The following TRPS1 variants were observed in gnomAD, a reference collection of about 807,000 sequenced individuals.
TRPS1 encodes transcriptional repressor GATA binding 1.
A neutral mutation model predicts 101.2 loss-of-function variants in TRPS1; 6 were observed. That is an observed-to-expected ratio of 0.06 (90% CI 0.03 to 0.12). The LOEUF (loss-of-function observed/expected upper bound fraction) is 0.12, where lower values mean the gene tolerates loss of function less well. TRPS1 is among the 10% of genes least tolerant of loss of function. TRPS1 has a pLI of 1.00. For synonymous variants in TRPS1, 578 were observed against 589.8 expected (o/e 0.98, Z 0.29); for missense variants, 1,363 against 1,567.0 (o/e 0.87, Z 2.20).
intron 3 of TRPS1, among the ~76,000 whole-genome samples, chr8:115,617,830 G>A (rs1196342815): frequency 6.6e-6 from 1 of 152,144 alleles, no homozygotes; most frequent in Non-Finnish European, 1.5e-5. Flanking sequence ...CTGCTCCACA[G>A]AAATAATTCT....
chr8:115,578,044 G>A (rs913385174), intron 5 of TRPS1, among the ~76,000 whole-genome samples: 1 of 152,150 alleles, frequency 6.6e-6, no homozygotes, highest in Non-Finnish European at 1.5e-5. Context: ...CTCTGCTTAA[G>A]AAAATGAGTT....
intron 5 of TRPS1, among the ~76,000 whole-genome samples, chr8:115,489,736 T>C (rs1218847900): frequency 6.6e-6 from 1 of 152,134 alleles, no homozygotes; most frequent in Admixed American, 6.6e-5. Context: ...AGCATGAATT[T>C]GGCTTTTTAA....
chr8:115,433,265 C>G (rs1813367265), intron 5 of TRPS1, among the ~76,000 whole-genome samples: 1 of 151,680 alleles, frequency 6.6e-6, no homozygotes, highest in African/African-American at 2.4e-5. Flanking sequence ...AAGGCCCTTT[C>G]CAGGTTTTTA....
Position 115,413,854 on chromosome 8 carries a change from C to T in TRPS1, c.*169G>A, listed in dbSNP as rs957071764. The T allele has an allele frequency of 4.6e-6, 3 of 658,276 alleles. No individual in the cohort carries two copies. Among genetic ancestry groups the T allele is most frequent in the Non-Finnish European group, 7.6e-6 (3 of 394,294 alleles). 40.8% of individuals were successfully genotyped at this position (658,276 alleles called of 1,614,324 possible). On this transcript the variant is annotated 3_prime_UTR_variant, in exon 7 of 7. Coordinates refer to ENST00000395715, the MANE Select transcript of TRPS1 (RefSeq NM_014112.5). ...TTGACCATTTATCTCACTTTTTAAT[C>T]TTGGTAACCTACTCATCAAAAGAAA...
chr8:115,471,684 A>T lies in TRPS1; in HGVS notation c.2701-53232T>A, dbSNP rs372661475. ...ACAAGGCAAGTCCCTTCTGCCTACA[A>T]GCCTGTAAAATCAAAAGCAAGCTAG... On this transcript the variant is annotated intron_variant, in intron 5 of 6. Transcript: ENST00000395715. 4.6e-5 allele frequency among the ~76,000 whole-genome samples: 7 copies of T among 152,336 alleles called. No homozygotes were observed. The East Asian group carries it at 1.4e-3, about 29-fold the overall frequency.
intron 5 of TRPS1, among the ~76,000 whole-genome samples, chr8:115,457,269 T>C (rs145853109): frequency 1.3e-5 from 2 of 152,178 alleles, no homozygotes; most frequent in South Asian, 2.1e-4. Context: ...TAGAATATTA[T>C]ACAGCCTTAA....
chr8:115,622,810 C>A (rs2130541434), intron 2 of TRPS1, among the ~76,000 whole-genome samples: 1 of 152,138 alleles, frequency 6.6e-6, no homozygotes, highest in East Asian at 1.9e-4. Flanking sequence ...GGTTAGCCTT[C>A]CATCAAAATG....
At chr8:115,597,366 G>A (rs1222141869) in intron 4 of TRPS1, among the ~76,000 whole-genome samples, 2 of 151,922 alleles carry the variant, frequency 1.3e-5, no homozygotes, top group African/African-American at 4.8e-5. Context: ...GATTGGCCCT[G>A]TATAACTTTA....
chr8:115,663,073 A>C (rs1293329949), intron 1 of TRPS1, among the ~76,000 whole-genome samples: 1 of 152,114 alleles, frequency 6.6e-6, no homozygotes, highest in Non-Finnish European at 1.5e-5. Flanking sequence ...CCCAAAACCC[A>C]AAAACTGTTT....
chr8:115,594,060 G>A (rs1817735454), intron 4 of TRPS1, among the ~76,000 whole-genome samples: 1 of 151,984 alleles, frequency 6.6e-6, no homozygotes, highest in Admixed American at 6.6e-5. Flanking sequence ...TGGATGTTCA[G>A]GATGCTGGAT....
chr8:115,421,319 A>G (rs928295669), intron 5 of TRPS1, among the ~76,000 whole-genome samples: 1 of 151,944 alleles, frequency 6.6e-6, no homozygotes, highest in African/African-American at 2.4e-5. Flanking sequence ...AGATGCAATT[A>G]AAACGGTGCC....
chr8:115,422,436 G>A (rs1813088518), intron 5 of TRPS1, among the ~76,000 whole-genome samples: 1 of 151,366 alleles, frequency 6.6e-6, no homozygotes, highest in South Asian at 2.1e-4. Flanking sequence ...GCGCGATCTC[G>A]GCCCACTGCC....
chr8:115,458,250 C>A (rs1436875705), intron 5 of TRPS1, among the ~76,000 whole-genome samples: 1 of 152,050 alleles, frequency 6.6e-6, no homozygotes, highest in Non-Finnish European at 1.5e-5. Context: ...AATAGAGGCA[C>A]CATTGAGCTG....
Position 115,603,972 on chromosome 8 carries a change from C to T in TRPS1, c.1997G>A (p.Gly666Glu). 1 of 1,613,942 alleles carries T rather than the reference C, an allele frequency of 6.2e-7. No homozygotes were observed. Among genetic ancestry groups the T allele is most frequent in the Non-Finnish European group, 8.5e-7 (1 of 1,179,968 alleles). ...CTTGACAGACTGCTGCCCATCCGAT[C>T]CTTGCAGGTGATTTGCTTCTTGTTT... ...DVKQEANHLQ[G>E]SDGQQSVKES... Residue 666 changes from glycine (G) to glutamate (E), a missense_variant, in exon 4 of 7, where the codon GGA becomes GAA. Coordinates refer to ENST00000395715, the MANE Select transcript of TRPS1 (RefSeq NM_014112.5).
At chr8:115,561,931 C>G (rs1816954877) in intron 5 of TRPS1, among the ~76,000 whole-genome samples, 1 of 152,038 alleles carries the variant, frequency 6.6e-6, no homozygotes, top group Non-Finnish European at 1.5e-5. Context: ...GCACCTTAAT[C>G]ATGTGCAGAT....
In TRPS1 at chr8:115,530,782, G is replaced by A. The variant is rs551920633; in HGVS notation, c.2700+56219C>T. Among the ~76,000 whole-genome samples the A allele has an allele frequency of 3.3e-5, 5 of 152,166 alleles. No homozygotes were observed. In the East Asian group the frequency reaches 7.7e-4, roughly 24 times the overall value. ...ATGATGAGTTCATGTCCTTTGTAGG[G>A]ACATGGATGAAGCTGGAAACCATCA... On this transcript the variant is annotated intron_variant, in intron 5 of 6. Transcript: ENST00000395715.
chr8:115,654,598 A>G (rs1811638051), intron 1 of TRPS1, among the ~76,000 whole-genome samples: 1 of 152,092 alleles, frequency 6.6e-6, no homozygotes, highest in South Asian at 2.1e-4. Flanking sequence ...TAAAAATACT[A>G]CTCTCTATAT....
intron 5 of TRPS1, among the ~76,000 whole-genome samples, chr8:115,571,360 C>G (rs1817199713): frequency 6.6e-6 from 1 of 152,054 alleles, no homozygotes; most frequent in Non-Finnish European, 1.5e-5. Context: ...TATAACAAAA[C>G]TTTTAATAAG....
intron 4 of TRPS1, among the ~76,000 whole-genome samples, chr8:115,596,647 A>C (rs1031333067): frequency 4.6e-5 from 7 of 151,830 alleles, no homozygotes; most frequent in African/African-American, 1.7e-4. Context: ...TATGATATAC[A>C]TGAGTATCAT....
Sources: allele counts gnomAD v4.1 joint callset (sites outside exome capture counted in the v4.1 genomes callset), GRCh38; gene constraint gnomAD v4.1.1; transcripts MANE v1.5; gene names NCBI Gene and HGNC (gene_info 2026-07-23, HGNC 2026-07-21).